The following CSMD1 variants were observed in gnomAD, a reference collection of about 807,000 sequenced individuals.
CSMD1 encodes CUB and sushi domain-containing protein 1.
In CSMD1, 213 loss-of-function variants were observed where a neutral mutation model predicts 417.5. That is an observed-to-expected ratio of 0.51 (90% CI 0.46 to 0.57). The LOEUF is 0.57. CSMD1 is among the 20% of genes least tolerant of loss of function. The probability of loss-of-function intolerance (pLI) is 0.00; values close to 1 mark genes in which losing one functional copy is unlikely to be tolerated. For missense variants in CSMD1, 6,923 were observed against 4,529.7 expected, an observed-to-expected ratio of 1.53 and a Z score of -15.17; for synonymous variants, 2,862 against 1,736.8, an observed-to-expected ratio of 1.65 and a Z score of -16.11.
At chr8:2,959,280 T>C (rs1472065319) in intron 62 of CSMD1, among the ~76,000 whole-genome samples, 1 of 152,196 alleles carries the variant, frequency 6.6e-6, no homozygotes, top group African/African-American at 2.4e-5. Context: ...ATTTTTTGTA[T>C]TCTTTGTAGA....
chr8:4,822,255 G>A (rs945140241), intron 1 of CSMD1, among the ~76,000 whole-genome samples: 1 of 152,106 alleles, frequency 6.6e-6, no homozygotes, highest in African/African-American at 2.4e-5. Context: ...TTGCTAACTA[G>A]AGGATCCGAT....
intron 11 of CSMD1, among the ~76,000 whole-genome samples, chr8:3,478,061 C>G (rs1248883816): frequency 6.6e-6 from 1 of 152,182 alleles, no homozygotes; most frequent in Non-Finnish European, 1.5e-5. Flanking sequence ...CTGGCATCAA[C>G]ATGAAATTAG....
intron 11 of CSMD1, among the ~76,000 whole-genome samples, chr8:3,477,442 A>C (rs1049667457): frequency 1.1e-4 from 16 of 152,328 alleles, no homozygotes; most frequent in East Asian, 5.8e-4. Context: ...TAATTGTATG[A>C]TTTAAGTGAC....
intron 50 of CSMD1, among the ~76,000 whole-genome samples, chr8:3,031,672 A>T (rs991187943): frequency 1.3e-5 from 2 of 151,964 alleles, no homozygotes; most frequent in African/African-American, 4.8e-5. Context: ...TGCTGGGATT[A>T]CAGGTATGAG....
chr8:3,510,326 A>G (rs1441290629), intron 10 of CSMD1, among the ~76,000 whole-genome samples: 1 of 151,786 alleles, frequency 6.6e-6, no homozygotes, highest in Non-Finnish European at 1.5e-5. Flanking sequence ...GTCACAGGAA[A>G]GAGCAACACA....
intron 8 of CSMD1, among the ~76,000 whole-genome samples, chr8:3,589,085 G>T (rs1800729935): frequency 6.6e-6 from 1 of 152,122 alleles, no homozygotes; most frequent in African/African-American, 2.4e-5. Flanking sequence ...AATAATAAGT[G>T]TTGGTGAGGA....
chr8:4,866,556 A>G (rs1802432147), intron 1 of CSMD1, among the ~76,000 whole-genome samples: 1 of 151,968 alleles, frequency 6.6e-6, no homozygotes, highest in Admixed American at 6.6e-5. Flanking sequence ...AACTAAATAA[A>G]TAGAAACCCA....
At chr8:3,010,786 C>G (rs1808325737) in intron 52 of CSMD1, among the ~76,000 whole-genome samples, 1 of 150,684 alleles carries the variant, frequency 6.6e-6, no homozygotes, top group African/African-American at 2.4e-5. Flanking sequence ...CTCTGTCACT[C>G]AGGCTGGAGT....
intron 2 of CSMD1, among the ~76,000 whole-genome samples, chr8:4,493,999 A>G (rs895786991): frequency 6.6e-6 from 1 of 152,174 alleles, no homozygotes; most frequent in Non-Finnish European, 1.5e-5. Context: ...GCATGTACAC[A>G]TAGATATAGG....
At chr8:4,416,582 G>A (rs142601014) in intron 3 of CSMD1, among the ~76,000 whole-genome samples, 24 of 151,978 alleles carry the variant, frequency 1.6e-4, no homozygotes, top group African/African-American at 5.5e-4. Flanking sequence ...TTACTAATAA[G>A]GGCAACTATT....
At chr8:3,034,882 T>C (rs1810571931) in intron 50 of CSMD1, among the ~76,000 whole-genome samples, 1 of 152,106 alleles carries the variant, frequency 6.6e-6, no homozygotes, top group African/African-American at 2.4e-5. Flanking sequence ...AGCAAAAATA[T>C]GACTCGAACA....
At chr8:4,089,206 T>G (rs1450870005) in intron 3 of CSMD1, among the ~76,000 whole-genome samples, 1 of 152,186 alleles carries the variant, frequency 6.6e-6, no homozygotes, top group South Asian at 2.1e-4. Flanking sequence ...CTGCCTTTTG[T>G]ATTACCTATA....
At chr8:3,522,301 A>C (rs1797541231) in intron 10 of CSMD1, among the ~76,000 whole-genome samples, 1 of 152,254 alleles carries the variant, frequency 6.6e-6, no homozygotes, top group Non-Finnish European at 1.5e-5. Context: ...ACTACGAAGT[A>C]AGAAAAAAGA....
chr8:4,779,707 G>C (rs189605794), intron 1 of CSMD1, among the ~76,000 whole-genome samples: 137 of 152,126 alleles, frequency 9.0e-4, no homozygotes, highest in Non-Finnish European at 2.5e-4. Context: ...ATCCAGACAC[G>C]AATGTATAAA....
At chr8:3,083,052 A>G (rs1214113730) in intron 49 of CSMD1, among the ~76,000 whole-genome samples, 1 of 152,218 alleles carries the variant, frequency 6.6e-6, no homozygotes, top group East Asian at 1.9e-4. Context: ...CATTTTAAAG[A>G]AAGAGCTCAC....
chr8:3,429,587 C>A (rs1050374985), intron 12 of CSMD1, among the ~76,000 whole-genome samples: 5 of 152,042 alleles, frequency 3.3e-5, no homozygotes, highest in African/African-American at 1.2e-4. Flanking sequence ...TGGGAGGGGT[C>A]AACAATGTTC....
chr8:4,838,164 G>C (rs998928890), intron 1 of CSMD1, among the ~76,000 whole-genome samples: 3 of 152,132 alleles, frequency 2.0e-5, no homozygotes, highest in African/African-American at 4.8e-5. Context: ...TCTGCTACTT[G>C]TGGAAGTTAG....
At chr8:3,002,297 G>A (rs899612634) in intron 52 of CSMD1, among the ~76,000 whole-genome samples, 15 of 152,208 alleles carry the variant, frequency 9.9e-5, no homozygotes, top group Admixed American at 8.5e-4. Flanking sequence ...CTTTCCAGAC[G>A]CTGTCCTTTG....
At chr8:4,267,185 C>CA (rs144920910) in intron 3 of CSMD1, among the ~76,000 whole-genome samples, 6,143 of 101,242 alleles carry the variant, frequency 0.061, 1,286 homozygotes, top group African/African-American at 0.15. Flanking sequence ...TCATTAATTC[C>CA]AAAAAATGCA....
Sources: gnomAD v4.1 joint callset for allele counts (sites outside exome capture counted in the v4.1 genomes callset) on GRCh38, gnomAD v4.1.1 for gene constraint, MANE v1.5 for transcripts, NCBI Gene and HGNC (gene_info 2026-07-23, HGNC 2026-07-21) for gene names.